The following GRK5 variants were observed in gnomAD, a reference collection of about 807,000 sequenced individuals.
GRK5 encodes the protein g protein-coupled receptor kinase GRK5.
Under a neutral mutation model 78.4 loss-of-function variants are expected in GRK5, and 40 were observed. That is an observed-to-expected ratio of 0.51 (90% CI 0.40 to 0.66). The LOEUF is 0.66. Among genes scored for constraint, GRK5 ranks in the 30% least tolerant of loss-of-function variants. The pLI, the probability that GRK5 is intolerant of heterozygous loss-of-function variation, is 0.00. For synonymous variants in GRK5, 289 were observed against 296.8 expected, an observed-to-expected ratio of 0.97 and a Z score of 0.27; for missense variants, 598 against 759.9, an observed-to-expected ratio of 0.79 and a Z score of 2.50.
intron 3 of GRK5, among the ~76,000 whole-genome samples, chr10:119,383,338 A>T (rs77291540): frequency 6.6e-6 from 1 of 152,188 alleles, no homozygotes; most frequent in Non-Finnish European, 1.5e-5. Context: ...ATGTTCTTCC[A>T]TCAGGGGACA....
intron 1 of GRK5, among the ~76,000 whole-genome samples, chr10:119,310,908 GC>G (rs1207237170): frequency 6.6e-6 from 1 of 152,176 alleles, no homozygotes; most frequent in Non-Finnish European, 1.5e-5. Context: ...AGAGTCAGCA[GC>G]CCAGCCCTCC....
At chr10:119,427,858 A>G (rs1264130524) in intron 6 of GRK5, among the ~76,000 whole-genome samples, 1 of 152,234 alleles carries the variant, frequency 6.6e-6, no homozygotes, top group Non-Finnish European at 1.5e-5. Flanking sequence ...CACTGCTGTT[A>G]TCAATATCCC....
intron 1 of GRK5, among the ~76,000 whole-genome samples, chr10:119,322,828 A>C (rs1443045344): frequency 6.6e-6 from 1 of 152,262 alleles, no homozygotes; most frequent in East Asian, 1.9e-4. Flanking sequence ...AATGGAAAGC[A>C]GGGACTTGAA....
In GRK5 at chr10:119,449,031, G is replaced by A. The variant is rs985529866; in HGVS notation, c.1404+771G>A. Among the ~76,000 whole-genome samples, 8 of 151,628 alleles carry A rather than the reference G, an allele frequency of 5.3e-5. No individual in the cohort carries two copies. In the South Asian group the frequency reaches 1.3e-3, roughly 24 times the overall value. ...GCTTCGGCTCCTGCCACGCTCCCGCGGATGACCCCTTGCTGGCAGGGGGAC... is the reference window on the plus strand; with the variant it reads ...GCTTCGGCTCCTGCCACGCTCCCGCAGATGACCCCTTGCTGGCAGGGGGAC... On this transcript the variant is annotated intron_variant, in intron 13 of 15. Coordinates refer to ENST00000392870, the MANE Select transcript of GRK5 (RefSeq NM_005308.3).
chr10:119,453,227 C>A lies in GRK5; in HGVS notation c.1625C>A (p.Pro542His). The A allele has an allele frequency of 6.2e-7, 1 of 1,613,992 alleles. No individual in the cohort carries two copies. Among genetic ancestry groups the A allele is most frequent in the Non-Finnish European group, 8.5e-7 (1 of 1,179,898 alleles). Residue 542 changes from proline to histidine, a missense_variant, in exon 15 of 16, where the codon CCT becomes CAT. Coordinates refer to ENST00000392870, the MANE Select transcript of GRK5 (RefSeq NM_005308.3). Reference sequence around the variant, plus strand: ...CCGCCAGATCTGAACAGAAACCACCCTCCGGAACCGCCCAAGAAAGGGCTG... The same window carrying A: ...CCGCCAGATCTGAACAGAAACCACCATCCGGAACCGCCCAAGAAAGGGCTG... ...TLPPDLNRNHPPEPPKKGLLQ... is the reference protein window; with the variant it reads ...TLPPDLNRNHHPEPPKKGLLQ...
At chr10:119,210,462 T>C (rs943879865) in intron 1 of GRK5, among the ~76,000 whole-genome samples, 4 of 152,236 alleles carry the variant, frequency 2.6e-5, no homozygotes, top group Admixed American at 2.0e-4. Flanking sequence ...ATTAAAGCAA[T>C]TTATGTTTCT....
At chr10:119,324,609 G>A (rs1279332134) in intron 1 of GRK5, among the ~76,000 whole-genome samples, 4 of 152,126 alleles carry the variant, frequency 2.6e-5, no homozygotes, top group Non-Finnish European at 4.4e-5. Context: ...CATCCTGGGT[G>A]ACAGAGTGAG....
At chr10:119,245,700 A>G (rs1849095898) in intron 1 of GRK5, among the ~76,000 whole-genome samples, 1 of 152,178 alleles carries the variant, frequency 6.6e-6, no homozygotes, top group African/African-American at 2.4e-5. Flanking sequence ...CATTGTGCTT[A>G]TAGTTAATCA....
chr10:119,305,200 G>A (rs1376424430), intron 1 of GRK5, among the ~76,000 whole-genome samples: 1 of 152,058 alleles, frequency 6.6e-6, no homozygotes, highest in Non-Finnish European at 1.5e-5. Context: ...AGAGTCCCGT[G>A]GTCCTCCAAG....
intron 1 of GRK5, among the ~76,000 whole-genome samples, chr10:119,283,506 C>T (rs1849796317): frequency 6.6e-6 from 1 of 152,202 alleles, no homozygotes; most frequent in Non-Finnish European, 1.5e-5. Flanking sequence ...GTTCCTGAGG[C>T]CTTGAGTTCC....
chr10:119,357,521 T>C (rs138927428), intron 2 of GRK5, among the ~76,000 whole-genome samples: 1 of 152,208 alleles, frequency 6.6e-6, no homozygotes, highest in African/African-American at 2.4e-5. Flanking sequence ...TCCTGCTGCC[T>C]GCTCCTGGGG....
At chr10:119,333,258 C>G (rs1418647577) in intron 2 of GRK5, 2 of 153,174 alleles carry the variant, frequency 1.3e-5, no homozygotes, top group African/African-American at 2.4e-5. Flanking sequence ...CTGTAGGTAG[C>G]ATCTGCTGTA....
chr10:119,280,160 C>A (rs553908359), intron 1 of GRK5, among the ~76,000 whole-genome samples: 1 of 152,102 alleles, frequency 6.6e-6, no homozygotes, highest in Non-Finnish European at 1.5e-5. Context: ...TCTCCCTGGC[C>A]GTGCAGAACA....
intron 1 of GRK5, among the ~76,000 whole-genome samples, chr10:119,265,896 G>C (rs889701206): frequency 2.2e-4 from 34 of 152,318 alleles, no homozygotes; most frequent in African/African-American, 7.7e-4. Context: ...GTCCCTGCCT[G>C]GGGCTGAAGT....
chr10:119,430,070 G>A lies in GRK5; in HGVS notation c.534-305G>A, dbSNP rs1852784018. Among the ~76,000 whole-genome samples, 1 of 152,172 alleles carries A rather than the reference G, an allele frequency of 6.6e-6. No individual in the cohort carries two copies. The highest frequency in any genetic ancestry group is 1.5e-5 in the Non-Finnish European group (1 of 68,032). ...ATTTGCAGAGAGAGGAGAACCACAT[G>A]GAGAGTGTGGTCAAGCACCTCTGCA... is the stretch of plus-strand genomic sequence containing the variant. On this transcript the variant is annotated intron_variant, in intron 6 of 15. Transcript: ENST00000392870. This position sits in a 1 kb window ranked among gnomAD's most constrained non-coding sequence, Gnocchi z 4.5.
chr10:119,410,556 C>T (rs1564923969), intron 4 of GRK5, among the ~76,000 whole-genome samples: 2 of 152,174 alleles, frequency 1.3e-5, no homozygotes, highest in Admixed American at 6.5e-5. Flanking sequence ...CCACCCCCGA[C>T]GCTTTGCAGC....
intron 4 of GRK5, among the ~76,000 whole-genome samples, chr10:119,409,016 C>G (rs1007217210): frequency 6.6e-6 from 1 of 152,118 alleles, no homozygotes; most frequent in Admixed American, 6.5e-5. Flanking sequence ...CCAGGTGTAG[C>G]AGGGGGCAAG....
intron 1 of GRK5, among the ~76,000 whole-genome samples, chr10:119,240,540 G>C (rs1455045570): frequency 1.3e-5 from 2 of 152,092 alleles, no homozygotes; most frequent in African/African-American, 4.8e-5. Flanking sequence ...ACTGGCATGA[G>C]ATGGCATCTA....
intron 4 of GRK5, among the ~76,000 whole-genome samples, chr10:119,411,515 A>T (rs1283142267): frequency 6.6e-6 from 1 of 152,196 alleles, no homozygotes; most frequent in African/African-American, 2.4e-5. Context: ...ACAAGGGAAG[A>T]TCCAGAGTTT....
Sources: allele counts gnomAD v4.1 joint callset (sites outside exome capture counted in the v4.1 genomes callset), GRCh38; gene constraint gnomAD v4.1.1; non-coding constraint Gnocchi (gnomAD v3.1); transcripts MANE v1.5; gene names NCBI Gene and HGNC (gene_info 2026-07-23, HGNC 2026-07-21).